Variants in DOCK8 observed in about 807,000 individuals in gnomAD.
The protein encoded by DOCK8 is dedicator of cytokinesis 8, also known as dedicator of cytokinesis protein 8.
A neutral mutation model predicts 245.6 loss-of-function variants in DOCK8; 141 were observed. The observed-to-expected ratio is 0.57, with a 90% CI of 0.50 to 0.66. The LOEUF (loss-of-function observed/expected upper bound fraction) is 0.66. DOCK8 is among the 30% of genes least tolerant of loss of function. The pLI, the probability that DOCK8 is intolerant of heterozygous loss-of-function variation, is 0.00. For synonymous variants in DOCK8, 1,168 were observed against 970.2 expected (o/e 1.20, Z -3.79); for missense variants, 2,965 against 2,603.4 (o/e 1.14, Z -3.02).
chr9:438,779 G>A (rs10974442), intron 39 of DOCK8, among the ~76,000 whole-genome samples: 17,214 of 152,170 alleles, frequency 0.11, 1,515 homozygotes, highest in African/African-American at 0.25. Flanking sequence ...AGACAGCCTC[G>A]CTTGCTGTTG....
intron 14 of DOCK8, among the ~76,000 whole-genome samples, chr9:353,348 A>T (rs1466806660): frequency 6.6e-6 from 1 of 152,076 alleles, no homozygotes; most frequent in African/African-American, 2.4e-5. Flanking sequence ...TTCTTCCCCA[A>T]CCCAAACCAA....
At chr9:232,290 C>T (rs889135055) in intron 1 of DOCK8, among the ~76,000 whole-genome samples, 2 of 152,184 alleles carry the variant, frequency 1.3e-5, no homozygotes, top group African/African-American at 2.4e-5. Flanking sequence ...CTGCTGGATT[C>T]GGTTTGCCAG....
chr9:385,874 T>C (rs1444874012), intron 22 of DOCK8, among the ~76,000 whole-genome samples: 3 of 152,206 alleles, frequency 2.0e-5, no homozygotes, highest in African/African-American at 7.2e-5. Flanking sequence ...AATTTTCGAA[T>C]TATTTTGTTG....
chr9:341,763 C>G (rs956650867), intron 14 of DOCK8, among the ~76,000 whole-genome samples: 1 of 152,198 alleles, frequency 6.6e-6, no homozygotes, highest in African/African-American at 2.4e-5. Context: ...TGTTAGGAAC[C>G]AGGCTGCATG....
At chr9:263,836 C>G (rs887312212) in intron 1 of DOCK8, among the ~76,000 whole-genome samples, 1 of 152,180 alleles carries the variant, frequency 6.6e-6, no homozygotes, top group Non-Finnish European at 1.5e-5. Flanking sequence ...CATTATTACA[C>G]TTTGAAGATA....
At chr9:212,458 C>G (rs2046635228), upstream of DOCK8, among the ~76,000 whole-genome samples, 1 of 152,160 alleles carries the variant, frequency 6.6e-6, no homozygotes, top group Admixed American at 6.5e-5. Context: ...AGAGTTCTCT[C>G]TGGACAGAGG....
At chr9:398,034 C>G (rs895304866) in intron 25 of DOCK8, among the ~76,000 whole-genome samples, 1 of 152,178 alleles carries the variant, frequency 6.6e-6, no homozygotes, top group Non-Finnish European at 1.5e-5. Flanking sequence ...ATCGCTTTGT[C>G]GTTATTGAGA....
At chr9:273,487 T>C (rs749110558) in intron 2 of DOCK8, among the ~76,000 whole-genome samples, 8 of 152,194 alleles carry the variant, frequency 5.3e-5, no homozygotes, top group Non-Finnish European at 7.3e-5. Flanking sequence ...ACATGCAAAA[T>C]TTAGTTTAAA....
intron 4 of DOCK8, among the ~76,000 whole-genome samples, chr9:293,935 T>A (rs1385050709): frequency 2.0e-5 from 3 of 152,254 alleles, no homozygotes; most frequent in Non-Finnish European, 2.9e-5. Context: ...CATGCCTCAC[T>A]ACTTACCAGT....
intron 2 of DOCK8, among the ~76,000 whole-genome samples, chr9:285,474 C>A (rs1035761883): frequency 6.6e-6 from 1 of 152,128 alleles, no homozygotes; most frequent in South Asian, 2.1e-4. Context: ...CCCACCACCC[C>A]CAACCTCCCT....
At chr9:322,917 A>T (rs1268160109) in intron 7 of DOCK8, among the ~76,000 whole-genome samples, 1 of 151,868 alleles carries the variant, frequency 6.6e-6, no homozygotes, top group Non-Finnish European at 1.5e-5. Context: ...ACATGGTAAG[A>T]CCCCATCTCT....
chr9:247,981 T>TA (rs1193732101), intron 1 of DOCK8, among the ~76,000 whole-genome samples: 52 of 18,696 alleles, frequency 2.8e-3, no homozygotes, highest in Admixed American at 6.8e-3. Flanking sequence ...CTTCTCTAAG[T>TA]TAAAAAAAAA....
intron 16 of DOCK8, among the ~76,000 whole-genome samples, 198 bp from the exon 17 acceptor site, chr9:371,230 A>G (rs2053271844): frequency 6.6e-6 from 1 of 151,842 alleles, no homozygotes; most frequent in Admixed American, 6.6e-5. Context: ...TTAGTTCATG[A>G]ACAGTTTTAT....
intron 26 of DOCK8, among the ~76,000 whole-genome samples, chr9:404,575 ATAG>A (rs2055326095): frequency 6.6e-6 from 1 of 152,192 alleles, no homozygotes; most frequent in South Asian, 2.1e-4. Context: ...TTTCTCGAAC[ATAG>A]TAGAGTTTTT....
At chr9:266,223 GT>G (rs2048032085) in intron 1 of DOCK8, among the ~76,000 whole-genome samples, 1 of 152,106 alleles carries the variant, frequency 6.6e-6, no homozygotes, top group Non-Finnish European at 1.5e-5. Flanking sequence ...ACAAGGAACT[GT>G]GCATATTCCT....
chr9:400,910 AGC>A (rs2055000434), intron 26 of DOCK8, among the ~76,000 whole-genome samples: 2 of 67,720 alleles, frequency 3.0e-5, no homozygotes, highest in South Asian at 4.3e-4. Context: ...CACTACCAAC[AGC>A]TCCTTCACCA....
At position 371,394 on chromosome 9, in the gene DOCK8, A is replaced by G. The variant is rs368577639; in HGVS notation, c.1869-34A>G. ...ATCAGAGAAGTCATCATTCTTGCTA[A>G]AAGTTATTTGTGTATAATGTGCTTT... On this transcript the variant is annotated intron_variant, in intron 16 of 47. Coordinates refer to ENST00000432829, the MANE Select transcript of DOCK8 (RefSeq NM_203447.4). The G allele has an allele frequency of 2.1e-4, 338 of 1,613,780 alleles. 3 individuals carry two copies. The highest frequency in any genetic ancestry group is 3.1e-5 in the Non-Finnish European group (37 of 1,179,844).
intron 32 of DOCK8, 128 bp downstream of exon 32, chr9:421,206 C>A: frequency 1.5e-6 from 2 of 1,295,888 alleles, no homozygotes; most frequent in South Asian, 1.3e-5. Context: ...TCAGAGACAG[C>A]GGATTCTGGG....
chr9:452,254 A>T, intron 46 of DOCK8, 137 bp downstream of exon 46: 1 of 648,048 alleles, frequency 1.5e-6, no homozygotes, highest in Non-Finnish European at 2.8e-6. Context: ...GCTGAATTGG[A>T]ATCTCTGGAG....
Sources: allele counts gnomAD v4.1 joint callset (sites outside exome capture counted in the v4.1 genomes callset), GRCh38; gene constraint gnomAD v4.1.1; transcripts MANE v1.5; gene names NCBI Gene and HGNC (gene_info 2026-07-23, HGNC 2026-07-21).